TENT2: variants seen among roughly 807,000 people sequenced by gnomAD.
TENT2 encodes poly(A) RNA polymerase GLD2.
A neutral mutation model predicts 72.2 loss-of-function variants in TENT2; 44 were observed. The observed-to-expected ratio is 0.61, with a 90% CI of 0.48 to 0.78. TENT2 has a LOEUF of 0.78. Among genes scored for constraint, TENT2 ranks in the 30% least tolerant of loss-of-function variants. TENT2 has a pLI of 0.00. For synonymous variants in TENT2, 212 were observed against 192.5 expected (o/e 1.10, Z -0.84); for missense variants, 541 against 569.6 (o/e 0.95, Z 0.51).
chr5:79,642,202 T>C (rs1785007482), intron 6 of TENT2, among the ~76,000 whole-genome samples: 1 of 152,048 alleles, frequency 6.6e-6, no homozygotes, highest in South Asian at 2.1e-4. Context: ...ATTATTCCAC[T>C]AGCGAAAATG....
chr5:79,681,851 G>A (rs1026472184), intron 13 of TENT2, 131 bp from the exon 14 acceptor site: 18 of 630,760 alleles, frequency 2.9e-5, no homozygotes, highest in Non-Finnish European at 4.7e-5. Flanking sequence ...AAAGATATTA[G>A]GCTGACCCAT....
intron 8 of TENT2, 123 bp from the exon 9 acceptor site, chr5:79,648,494 A>G (rs533167751): frequency 1.3e-4 from 84 of 652,402 alleles, no homozygotes; most frequent in East Asian, 1.2e-3. Flanking sequence ...ACACAGATCT[A>G]TGGCCTTTGG....
intron 8 of TENT2, among the ~76,000 whole-genome samples, chr5:79,646,493 T>A (rs1248342648): frequency 6.6e-6 from 1 of 152,216 alleles, no homozygotes; most frequent in Non-Finnish European, 1.5e-5. Flanking sequence ...GATGACTGAA[T>A]ATATATATTT....
chr5:79,662,692 C>G (rs1407163517), intron 11 of TENT2, among the ~76,000 whole-genome samples: 2 of 152,088 alleles, frequency 1.3e-5, no homozygotes, highest in African/African-American at 4.8e-5. Context: ...GTGTTGTCAT[C>G]AAGGCTTTGT....
chr5:79,617,578 C>G (rs1761288850), intron 1 of TENT2: 1 of 152,164 alleles, frequency 6.6e-6, no homozygotes, highest in Non-Finnish European at 1.5e-5. Flanking sequence ...GAACTGTTAG[C>G]TTCCCATCAC....
intron 13 of TENT2, among the ~76,000 whole-genome samples, chr5:79,680,808 G>GC (rs1821106302): frequency 6.6e-6 from 1 of 151,982 alleles, no homozygotes; most frequent in African/African-American, 2.4e-5. Context: ...CTTTTTCCAT[G>GC]CTAAAATTCT....
chr5:79,618,394 T>C (rs981805275), intron 1 of TENT2, among the ~76,000 whole-genome samples: 1 of 141,010 alleles, frequency 7.1e-6, no homozygotes, highest in Admixed American at 7.2e-5. Flanking sequence ...GCCTGGCTAA[T>C]TTTTTTGATT....
At chr5:79,615,073 AG>A in intron 1 of TENT2, 1 of 152,216 alleles carries the variant, frequency 6.6e-6, no homozygotes, top group Non-Finnish European at 1.5e-5. Context: ...TTTGTTTTGC[AG>A]GGGCTCCAGA....
Position 79,669,948 on chromosome 5 carries a change from G to A in TENT2, c.1208+920G>A, listed in dbSNP as rs146582649. The stretch of plus-strand genomic sequence containing the variant: ...ATAGCTAATAAGAGTAGTATTTCAG[G>A]CCGGGCGCGGTAGCTCATGCCTGTA... On this transcript the variant is annotated intron_variant, in intron 12 of 14. Transcript: ENST00000453514. Among the ~76,000 whole-genome samples, 898 of 152,142 alleles carry A rather than the reference G, an allele frequency of 5.9e-3. 7 individuals carry two copies. Among genetic ancestry groups the A allele is most frequent in the Non-Finnish European group, 1.0e-2 (678 of 68,012 alleles).
At chr5:79,622,286 G>A (rs549383283) in intron 3 of TENT2, among the ~76,000 whole-genome samples, 1 of 152,100 alleles carries the variant, frequency 6.6e-6, no homozygotes, top group East Asian at 1.9e-4. Flanking sequence ...CGGCAACAGA[G>A]GAAGACTCTG....
At chr5:79,613,338 G>T (rs1756667537) in intron 1 of TENT2, among the ~76,000 whole-genome samples, 4 of 152,154 alleles carry the variant, frequency 2.6e-5, no homozygotes, top group African/African-American at 9.7e-5. Context: ...TAAAGTAGCA[G>T]ATATTTTTCA....
At chr5:79,621,239 A>G (rs1286269293) in intron 3 of TENT2, among the ~76,000 whole-genome samples, 3 of 152,196 alleles carry the variant, frequency 2.0e-5, no homozygotes, top group Non-Finnish European at 4.4e-5. Flanking sequence ...CCTGTTGAGG[A>G]GAAAGCTGAC....
At chr5:79,648,252 A>G (rs561445367) in intron 8 of TENT2, among the ~76,000 whole-genome samples, 5 of 152,124 alleles carry the variant, frequency 3.3e-5, no homozygotes, top group African/African-American at 1.2e-4. Flanking sequence ...AGGCTGGAGT[A>G]AGCTATGACT....
At chr5:79,647,296 A>G (rs946279113) in intron 8 of TENT2, among the ~76,000 whole-genome samples, 4 of 152,122 alleles carry the variant, frequency 2.6e-5, no homozygotes, top group African/African-American at 9.7e-5. Flanking sequence ...TCACTTTTTT[A>G]GTATTTCTAG....
At chr5:79,674,467 C>T (rs945128804) in intron 12 of TENT2, among the ~76,000 whole-genome samples, 2 of 152,136 alleles carry the variant, frequency 1.3e-5, no homozygotes, top group African/African-American at 2.4e-5. Context: ...CAGTCATATA[C>T]AATGCATGAA....
rs769342628 is a variant in TENT2, at chr5:79,685,314, A to C, written c.*41A>C. ...TAATAAATTCTTCCAAGAAATAAAG[A>C]ACAATAGTTTCATCATAATACATTA... is the stretch of plus-strand genomic sequence containing the variant. On this transcript the variant is annotated 3_prime_UTR_variant, in exon 15 of 15. Transcript: ENST00000453514. 2 of 1,410,664 alleles carry C rather than the reference A, an allele frequency of 1.4e-6. No individual in the cohort carries two copies. The highest frequency in any genetic ancestry group is 2.0e-6 in the Non-Finnish European group (2 of 1,023,998). The allele number at this position is 1,410,664 out of a possible 1,614,324, so 87.4% of individuals were successfully genotyped here.
rs181377866 is a variant in TENT2, at chr5:79,612,702, C to G, written c.-411C>G. On this transcript the variant is annotated 5_prime_UTR_variant, in exon 1 of 15. Transcript: ENST00000453514. ...GAAAGCTACGACCAAGTACGCCCAG[C>G]TCGGGCCTTAGAACTTCTGAACGGG... 2 of 152,824 alleles carry G rather than the reference C, an allele frequency of 1.3e-5. No homozygotes were observed. The highest frequency in any genetic ancestry group is 3.9e-4 in the East Asian group (2 of 5,180). 9.5% of individuals were successfully genotyped at this position (152,824 alleles called of 1,614,324 possible).
intron 12 of TENT2, among the ~76,000 whole-genome samples, chr5:79,669,898 G>A (rs1277872907): frequency 6.6e-6 from 1 of 151,940 alleles, no homozygotes; most frequent in Non-Finnish European, 1.5e-5. Context: ...ATAGAGAGAG[G>A]GGAAGTAACG....
chr5:79,647,826 T>A (rs1790380411), intron 8 of TENT2, among the ~76,000 whole-genome samples: 1 of 152,154 alleles, frequency 6.6e-6, no homozygotes, highest in Non-Finnish European at 1.5e-5. Context: ...ATTATTGCCG[T>A]ATTTTCTAAA....
Sources: gnomAD v4.1 joint callset for allele counts (sites outside exome capture counted in the v4.1 genomes callset) on GRCh38, gnomAD v4.1.1 for gene constraint, MANE v1.5 for transcripts, NCBI Gene and HGNC (gene_info 2026-07-23, HGNC 2026-07-21) for gene names.